Variants in GLIS1 observed in about 807,000 individuals in gnomAD.
GLIS1 encodes the protein GLIS family zinc finger 1.
A neutral mutation model predicts 63.8 loss-of-function variants in GLIS1; 24 were observed. The ratio of observed to expected loss-of-function variants is 0.38; its 90% CI spans 0.27 to 0.53. The LOEUF is 0.53. GLIS1 is among the 20% of genes least tolerant of loss of function. GLIS1 has a pLI of 0.85. For synonymous variants in GLIS1, 450 were observed against 482.5 expected (o/e 0.93, Z 0.88); for missense variants, 1,036 against 1,074.1 (o/e 0.96, Z 0.50).
chr1:53,610,302 T>A (rs939570850), intron 2 of GLIS1, among the ~76,000 whole-genome samples: 4 of 152,270 alleles, frequency 2.6e-5, no homozygotes, highest in Non-Finnish European at 5.9e-5. Context: ...CCTGTTTCCA[T>A]ATGAGGTCTT....
At chr1:53,515,816 TAAAAA>T (rs58953406) in intron 7 of GLIS1, among the ~76,000 whole-genome samples, 13 of 69,134 alleles carry the variant, frequency 1.9e-4, no homozygotes, top group African/African-American at 7.1e-4. Context: ...CTATTTTATC[TAAAAA>T]AAAAAAAAAA....
chr1:53,704,727 C>T (rs1646559613), intron 2 of GLIS1, among the ~76,000 whole-genome samples: 1 of 152,208 alleles, frequency 6.6e-6, no homozygotes, highest in Admixed American at 6.5e-5. Context: ...CTCAGTTTAG[C>T]CCCTGGCTCT....
chr1:53,558,555 C>G (rs1390818936), intron 4 of GLIS1, among the ~76,000 whole-genome samples: 1 of 152,204 alleles, frequency 6.6e-6, no homozygotes, highest in Non-Finnish European at 1.5e-5. Flanking sequence ...CTAACGATCT[C>G]ACTCTCTCAG....
chr1:53,530,542 A>C (rs1386509199), intron 4 of GLIS1, among the ~76,000 whole-genome samples: 1 of 152,248 alleles, frequency 6.6e-6, no homozygotes, highest in Non-Finnish European at 1.5e-5. Flanking sequence ...TGTCAAAACA[A>C]GAGCCACGTT....
At chr1:53,666,785 G>A (rs965071147) in intron 2 of GLIS1, among the ~76,000 whole-genome samples, 1 of 148,010 alleles carries the variant, frequency 6.8e-6, no homozygotes, top group Non-Finnish European at 1.5e-5. Flanking sequence ...GGGCCAGGCT[G>A]GGGAGCCAGC....
chr1:53,704,813 A>C (rs1370539641), intron 2 of GLIS1, among the ~76,000 whole-genome samples: 1 of 152,198 alleles, frequency 6.6e-6, no homozygotes, highest in Non-Finnish European at 1.5e-5. Flanking sequence ...GAGAGAGCAG[A>C]AGTTAAAGGA....
intron 3 of GLIS1, among the ~76,000 whole-genome samples, chr1:53,597,611 G>T (rs1237468779): frequency 5.9e-5 from 9 of 152,144 alleles, no homozygotes; most frequent in Admixed American, 5.2e-4. Flanking sequence ...GAGATTGGGA[G>T]GGGCAGGCGC....
At chr1:53,710,767 G>A (rs984040376) in intron 2 of GLIS1, among the ~76,000 whole-genome samples, 2 of 152,188 alleles carry the variant, frequency 1.3e-5, no homozygotes, top group African/African-American at 4.8e-5. Context: ...TGCAAACGTG[G>A]TGCCTCCCAC....
At chr1:53,703,316 C>T (rs1175595381) in intron 2 of GLIS1, among the ~76,000 whole-genome samples, 1 of 152,168 alleles carries the variant, frequency 6.6e-6, no homozygotes, top group Non-Finnish European at 1.5e-5. Flanking sequence ...GCACCTGGTA[C>T]AGGCCCTGGC....
At chr1:53,514,899 A>C in intron 7 of GLIS1, 118 bp from the exon 8 acceptor site, 2 of 1,239,268 alleles carry the variant, frequency 1.6e-6, no homozygotes, top group Non-Finnish European at 2.2e-6. Flanking sequence ...GAAAATGAAC[A>C]ACGTTGTATC....
chr1:53,576,044 G>A (rs1343684092), intron 4 of GLIS1, among the ~76,000 whole-genome samples: 5 of 152,096 alleles, frequency 3.3e-5, no homozygotes, highest in Non-Finnish European at 5.9e-5. Flanking sequence ...AGACAGACTT[G>A]CTTTCTCTGC....
chr1:53,714,324 G>T (rs568497680), intron 2 of GLIS1, among the ~76,000 whole-genome samples: 1 of 152,138 alleles, frequency 6.6e-6, no homozygotes, highest in South Asian at 2.1e-4. Flanking sequence ...ATAGCAGAGG[G>T]GTGCTCCATA....
At chr1:53,615,713 T>C (rs901521252) in intron 2 of GLIS1, among the ~76,000 whole-genome samples, 3 of 150,712 alleles carry the variant, frequency 2.0e-5, no homozygotes, top group African/African-American at 4.9e-5. Context: ...TAAGATGATA[T>C]GATTTTATTT....
chr1:53,552,206 C>A (rs1367392923), intron 4 of GLIS1, among the ~76,000 whole-genome samples: 2 of 152,152 alleles, frequency 1.3e-5, no homozygotes, highest in African/African-American at 4.8e-5. Flanking sequence ...TAGCCTCTCC[C>A]CTACCAGCTC....
At chr1:53,587,873 C>A (rs1328488424) in intron 4 of GLIS1, among the ~76,000 whole-genome samples, 12 of 152,178 alleles carry the variant, frequency 7.9e-5, no homozygotes, top group Admixed American at 7.9e-4. Flanking sequence ...TGTTTGTAAA[C>A]AGACTGATGA....
At chr1:53,540,921 T>C (rs1644637307) in intron 4 of GLIS1, among the ~76,000 whole-genome samples, 1 of 152,208 alleles carries the variant, frequency 6.6e-6, no homozygotes, top group African/African-American at 2.4e-5. Context: ...CAAAGCTCCC[T>C]GTCTTGAGTG....
chr1:53,580,642 TG>T, intron 4 of GLIS1, among the ~76,000 whole-genome samples: 1 of 152,298 alleles, frequency 6.6e-6, no homozygotes, highest in Middle Eastern at 3.4e-3. Context: ...TTGATCTCTC[TG>T]GGCCTCAGTT....
At chr1:53,593,604 C>T (rs1645214991) in intron 4 of GLIS1, among the ~76,000 whole-genome samples, 1 of 152,218 alleles carries the variant, frequency 6.6e-6, no homozygotes, top group Non-Finnish European at 1.5e-5. Context: ...AGCTCTCGAG[C>T]CGGGTGCCTG....
chr1:53,576,765 C>G (rs1645036004), intron 4 of GLIS1, among the ~76,000 whole-genome samples: 1 of 152,198 alleles, frequency 6.6e-6, no homozygotes, highest in Non-Finnish European at 1.5e-5. Flanking sequence ...TGCATACAGT[C>G]CACACCAGCA....
Sources: allele counts gnomAD v4.1 joint callset (sites outside exome capture counted in the v4.1 genomes callset), GRCh38; gene constraint gnomAD v4.1.1; transcripts MANE v1.5; gene names NCBI Gene and HGNC (gene_info 2026-07-23, HGNC 2026-07-21).